MRPS27: variants seen among roughly 807,000 people sequenced by gnomAD.
MRPS27 encodes the protein mitochondrial ribosomal protein S27.
In MRPS27, 43 loss-of-function variants were observed where a neutral mutation model predicts 48.9. That is an observed-to-expected ratio of 0.88 (90% CI 0.69 to 1.13). The LOEUF is 1.13. Ranked by LOEUF, MRPS27 falls within the 50% of genes most tolerant of loss-of-function variation. The probability of loss-of-function intolerance (pLI) is 0.00; values close to 1 mark genes in which losing one functional copy is unlikely to be tolerated. For missense variants in MRPS27, 467 were observed against 476.3 expected, an observed-to-expected ratio of 0.98 and a Z score of 0.18; for synonymous variants, 188 against 171.9, an observed-to-expected ratio of 1.09 and a Z score of -0.73.
chr5:72,232,803 G>A (rs1371124907), intron 6 of MRPS27, among the ~76,000 whole-genome samples: 1 of 152,136 alleles, frequency 6.6e-6, no homozygotes, highest in Non-Finnish European at 1.5e-5. Context: ...CCAACGTCCT[G>A]AAGGACATTA....
At chr5:72,300,418 G>A (rs763782990) in intron 2 of MRPS27, among the ~76,000 whole-genome samples, 4 of 152,106 alleles carry the variant, frequency 2.6e-5, no homozygotes, top group African/African-American at 7.2e-5. Context: ...GGCTCCACAT[G>A]TACATACCTA....
At chr5:72,227,155 T>C (rs1315451228) in intron 8 of MRPS27, 1 of 152,254 alleles carries the variant, frequency 6.6e-6, no homozygotes, top group Non-Finnish European at 1.5e-5. Context: ...AAAGAGCTTC[T>C]GATCTGATGG....
At chr5:72,319,196 CTATAAATA>C (rs1240619979) in intron 1 of MRPS27, among the ~76,000 whole-genome samples, 4 of 152,204 alleles carry the variant, frequency 2.6e-5, no homozygotes, top group South Asian at 2.1e-4. Context: ...AATTTGGCTT[CTATAAATA>C]CTTTAAAACT....
chr5:72,241,745 T>C, intron 4 of MRPS27: 1 of 1,507,156 alleles, frequency 6.6e-7, no homozygotes, highest in Non-Finnish European at 8.9e-7. Context: ...TTTTCCAATT[T>C]GCCTGCAAAC....
chr5:72,254,434 C>A (rs7715708), intron 4 of MRPS27, among the ~76,000 whole-genome samples: 30 of 151,980 alleles, frequency 2.0e-4, no homozygotes, highest in Non-Finnish European at 3.2e-4. Flanking sequence ...AGAAAAAAGA[C>A]GGGAAAGAAA....
chr5:72,315,116 CTT>C (rs560194884), intron 1 of MRPS27, among the ~76,000 whole-genome samples: 94 of 152,270 alleles, frequency 6.2e-4, no homozygotes, highest in African/African-American at 2.2e-3. Context: ...AAATTTAAAA[CTT>C]TTGTGCTTTG....
Position 72,223,689 on chromosome 5 carries a change from T to A in MRPS27, c.999A>T (p.Arg333=). 1 of 1,614,014 alleles carries A rather than the reference T, an allele frequency of 6.2e-7. No individual in the cohort carries two copies. Among genetic ancestry groups the A allele is most frequent in the South Asian group, 1.1e-5 (1 of 91,074 alleles). Reference sequence around the variant, plus strand: ...ACGTTCTGCTATGATTCACCTTAAATCGTTCCAGGTATTGAGGAAGCTTGG... The same window carrying A: ...ACGTTCTGCTATGATTCACCTTAAAACGTTCCAGGTATTGAGGAAGCTTGG... ...EQSKLPQYLE[R]FKALHSKLQA... is the part of the protein sequence containing the mutation. The change falls in exon 10 of 11, where the codon CGA becomes CGT. Residue 333 remains arginine, a synonymous_variant. Coordinates refer to ENST00000261413, the MANE Select transcript of MRPS27 (RefSeq NM_015084.3).
intron 4 of MRPS27, among the ~76,000 whole-genome samples, chr5:72,249,975 C>T (rs1041584377): frequency 7.9e-5 from 12 of 152,094 alleles, no homozygotes; most frequent in African/African-American, 2.9e-4. Context: ...CAGAACGAGA[C>T]TCCATCTCAA....
chr5:72,282,899 T>G (rs1024793969), intron 4 of MRPS27, among the ~76,000 whole-genome samples: 1 of 152,366 alleles, frequency 6.6e-6, no homozygotes, highest in African/African-American at 2.4e-5. Context: ...CTTTTACATC[T>G]ATTAGTTTTT....
intron 1 of MRPS27, among the ~76,000 whole-genome samples, chr5:72,318,937 C>T (rs951063471): frequency 3.3e-5 from 5 of 152,216 alleles, no homozygotes; most frequent in African/African-American, 1.2e-4. Context: ...TTGTGCATAA[C>T]ACTGCCTAAT....
chr5:72,281,799 T>C (rs1414509649), intron 4 of MRPS27, among the ~76,000 whole-genome samples: 2 of 152,226 alleles, frequency 1.3e-5, no homozygotes, highest in Non-Finnish European at 2.9e-5. Flanking sequence ...AAGTTCTCAC[T>C]TGAACACATA....
chr5:72,238,428 A>C (rs894475764), intron 4 of MRPS27, among the ~76,000 whole-genome samples: 8 of 152,220 alleles, frequency 5.3e-5, no homozygotes, highest in Admixed American at 3.9e-4. Context: ...ATACTCTACT[A>C]ATCATGGCAT....
intron 2 of MRPS27, among the ~76,000 whole-genome samples, chr5:72,299,105 C>T (rs950592856): frequency 1.3e-5 from 2 of 152,024 alleles, no homozygotes; most frequent in South Asian, 2.1e-4. Context: ...ACAGCAGACA[C>T]TGGGGACTCC....
In MRPS27 at chr5:72,253,987, T is replaced by C. The variant is rs564328871; in HGVS notation, c.282-15859A>G. Among the ~76,000 whole-genome samples, 3 of 152,296 alleles carry C rather than the reference T, an allele frequency of 2.0e-5. No homozygotes were observed. In the East Asian group the frequency reaches 5.8e-4, roughly 29 times the overall value. ...AGAGGTTAAGTCTCACTATGCTATC[T>C]AGGCTGGTCTTGAACTCCTGGGCTC... is the stretch of plus-strand genomic sequence containing the variant. On this transcript the variant is annotated intron_variant, in intron 4 of 10. Transcript: ENST00000261413.
At chr5:72,264,177 T>C (rs1021529284) in intron 4 of MRPS27, among the ~76,000 whole-genome samples, 2 of 152,178 alleles carry the variant, frequency 1.3e-5, no homozygotes, top group African/African-American at 4.8e-5. Context: ...ACATAAAATA[T>C]CCAGAATAGG....
At chr5:72,319,715 T>C (rs1317737007) in intron 1 of MRPS27, among the ~76,000 whole-genome samples, 2 of 152,076 alleles carry the variant, frequency 1.3e-5, no homozygotes, top group East Asian at 1.9e-4. Context: ...AGATAATTTC[T>C]TTGTATTTTT....
chr5:72,229,234 G>C (rs905573633), intron 7 of MRPS27: 6 of 152,200 alleles, frequency 3.9e-5, no homozygotes, highest in African/African-American at 1.4e-4. Flanking sequence ...AGAGATTAGG[G>C]AGGAAGCAGA....
intron 4 of MRPS27, among the ~76,000 whole-genome samples, chr5:72,258,262 CA>C (rs1748866627): frequency 6.6e-6 from 1 of 152,106 alleles, no homozygotes; most frequent in Admixed American, 6.6e-5. Flanking sequence ...CCTACTGTTC[CA>C]ACGTGCACTA....
chr5:72,292,384 C>T lies in MRPS27; in HGVS notation c.281+3147G>A, dbSNP rs182854279. ...CCAGCTCCCAGAGAATAGACCACGG[C>T]CCAAATAAAAGTACTTAGAAATTTG... is the stretch of plus-strand genomic sequence containing the variant. On this transcript the variant is annotated intron_variant, in intron 4 of 10. Transcript: ENST00000261413. Among the ~76,000 whole-genome samples the T allele has an allele frequency of 3.3e-5, 5 of 152,146 alleles. No individual in the cohort carries two copies. In the East Asian group the frequency reaches 9.7e-4, roughly 29 times the overall value.
Sources: allele counts gnomAD v4.1 joint callset (sites outside exome capture counted in the v4.1 genomes callset), GRCh38; gene constraint gnomAD v4.1.1; transcripts MANE v1.5; gene names NCBI Gene and HGNC (gene_info 2026-07-23, HGNC 2026-07-21).